Variants in STK3 observed in about 807,000 individuals in gnomAD.
STK3 encodes serine/threonine-protein kinase 3.
Under a neutral mutation model 58.0 loss-of-function variants are expected in STK3, and 41 were observed. The ratio of observed to expected loss-of-function variants is 0.71; its 90% confidence interval spans 0.55 to 0.92. The LOEUF is 0.92. Among genes scored for constraint, STK3 ranks in the 40% least tolerant of loss-of-function variants. The pLI is 0.00. For missense variants in STK3, 479 were observed against 602.7 expected (o/e 0.79, Z 2.15); for synonymous variants, 170 against 191.0 (o/e 0.89, Z 0.91).
chr8:98,468,037 T>C (rs6987125), intron 10 of STK3, among the ~76,000 whole-genome samples: 54 of 152,324 alleles, frequency 3.5e-4, no homozygotes, highest in African/African-American at 1.2e-3. Flanking sequence ...TAGATTGTAA[T>C]AGATAATTTT....
At chr8:98,715,768 C>T (rs1184844410) in intron 4 of STK3, among the ~76,000 whole-genome samples, 1 of 152,140 alleles carries the variant, frequency 6.6e-6, no homozygotes, top group Non-Finnish European at 1.5e-5. Context: ...TTGACCCAGC[C>T]ATCCCATTAC....
chr8:98,893,304 G>T (rs1838268251), intron 1 of STK3, among the ~76,000 whole-genome samples: 1 of 151,430 alleles, frequency 6.6e-6, no homozygotes, highest in African/African-American at 2.4e-5. Flanking sequence ...CAGAAGAAGT[G>T]CCTGAACCGA....
chr8:98,536,164 T>C (rs192363483), intron 9 of STK3, among the ~76,000 whole-genome samples: 49 of 152,306 alleles, frequency 3.2e-4, no homozygotes, highest in Non-Finnish European at 4.1e-4. Flanking sequence ...ACCAATGTTG[T>C]AGTGTCTCAA....
At position 98,745,598 on chromosome 8, in the gene STK3, C is replaced by T. The variant is rs1829586807; in HGVS notation, c.351+3678G>A. On this transcript the variant is annotated intron_variant, in intron 4 of 10. Coordinates refer to ENST00000419617, the MANE Select transcript of STK3 (RefSeq NM_006281.4). ...AAGAAAAAAGAAGAGGTAAGCCTAG[C>T]AATAAGGGCTGCTTTTCCCCAAGAG... Among the ~76,000 whole-genome samples the T allele has an allele frequency of 1.3e-5, 2 of 152,032 alleles. 1 individual carries two copies. Among genetic ancestry groups the T allele is most frequent in the South Asian group, 4.2e-4 (2 of 4,802 alleles).
At position 98,579,697 on chromosome 8, in the gene STK3, C is replaced by T. The variant is rs1226764013; in HGVS notation, c.915G>A (p.Gln305=). ...MEIKAKRHEE[Q]QRELEEEEEN... ...CTTCTTCCTCTTCCAATTCTCGTTG[C>T]TGTTCCTCATGTCTTTTAGCTTTGA... The change falls in exon 8 of 11, where the codon CAG becomes CAA. Residue 305 remains glutamine, a synonymous_variant. Transcript: ENST00000419617. The T allele has an allele frequency of 6.2e-7, 1 of 1,610,066 alleles. No homozygotes were observed. Among genetic ancestry groups the T allele is most frequent in the Admixed American group, 1.7e-5 (1 of 59,350 alleles).
At chr8:98,507,058 T>C (rs1824152294) in intron 10 of STK3, among the ~76,000 whole-genome samples, 1 of 152,244 alleles carries the variant, frequency 6.6e-6, no homozygotes, top group African/African-American at 2.4e-5. Context: ...TACTCATTTC[T>C]TTGTTACAGC....
intron 1 of STK3, among the ~76,000 whole-genome samples, chr8:98,885,497 T>C (rs1837951022): frequency 6.6e-6 from 1 of 152,234 alleles, no homozygotes; most frequent in South Asian, 2.1e-4. Context: ...TGGAGTGCAA[T>C]GGCGCGATCT....
intron 10 of STK3, among the ~76,000 whole-genome samples, chr8:98,512,127 C>A (rs1161763652): frequency 6.6e-6 from 1 of 151,972 alleles, no homozygotes; most frequent in African/African-American, 2.4e-5. Flanking sequence ...CCTCCTCCCC[C>A]CACCACACAA....
chr8:98,468,401 T>C (rs933029693), intron 10 of STK3, among the ~76,000 whole-genome samples: 1 of 152,150 alleles, frequency 6.6e-6, no homozygotes, highest in Non-Finnish European at 1.5e-5. Context: ...AAAACACCCA[T>C]GAAGAGATTC....
intron 6 of STK3, chr8:98,603,418 G>T (rs1429229826): frequency 6.6e-6 from 1 of 151,904 alleles, no homozygotes; most frequent in East Asian, 1.9e-4. Flanking sequence ...CACATTTTTA[G>T]TAGAGACAAG....
chr8:98,800,104 G>A lies in STK3; in HGVS notation c.27-25285C>T, dbSNP rs865812883. Among the ~76,000 whole-genome samples the A allele has an allele frequency of 1.3e-5, 2 of 152,148 alleles. No homozygotes were observed. Reference sequence around the variant, plus strand: ...ATGGCTTCTCCCCTTTCTAGGTCCCGTGGCAGCCATCTTGCCGCTACTCGC... The same window carrying A: ...ATGGCTTCTCCCCTTTCTAGGTCCCATGGCAGCCATCTTGCCGCTACTCGC... On this transcript the variant is annotated intron_variant, in intron 1 of 10. Transcript: ENST00000419617. This position sits in a 1 kb window ranked among gnomAD's most constrained non-coding sequence, Gnocchi z 4.8.
At chr8:98,757,866 TAA>T (rs1830392048) in intron 3 of STK3, among the ~76,000 whole-genome samples, 1 of 152,126 alleles carries the variant, frequency 6.6e-6, no homozygotes, top group African/African-American at 2.4e-5. Flanking sequence ...TATAAGGAAA[TAA>T]TACAATCAAA....
intron 1 of STK3, among the ~76,000 whole-genome samples, chr8:98,898,591 C>G (rs1226249771): frequency 6.6e-6 from 1 of 152,144 alleles, no homozygotes; most frequent in Non-Finnish European, 1.5e-5. Context: ...TACTGACAAT[C>G]AATATAAAGA....
intron 1 of STK3, chr8:98,439,129 T>C (rs1240036107): frequency 6.6e-6 from 1 of 152,246 alleles, no homozygotes; most frequent in African/African-American, 2.4e-5. Context: ...ATTTGTCATT[T>C]TTATTTATTG....
intron 1 of STK3, among the ~76,000 whole-genome samples, chr8:98,794,863 T>C (rs1833025228): frequency 6.6e-6 from 1 of 150,962 alleles, no homozygotes; most frequent in Non-Finnish European, 1.5e-5. Context: ...AGGTTGGGAG[T>C]TCGAGACCAG....
intron 1 of STK3, among the ~76,000 whole-genome samples, chr8:98,940,634 T>C (rs1840378933): frequency 6.6e-6 from 1 of 152,156 alleles, no homozygotes; most frequent in Non-Finnish European, 1.5e-5. Flanking sequence ...TGGGGCAGCC[T>C]GTCTGCACGC....
intron 6 of STK3, among the ~76,000 whole-genome samples, chr8:98,695,505 T>A (rs1040025537): frequency 1.2e-4 from 19 of 152,206 alleles, no homozygotes; most frequent in Admixed American, 1.3e-4. Flanking sequence ...CTTTAATCCA[T>A]CTTGAATTAA....
At chr8:98,628,170 T>C (rs1425317453) in intron 6 of STK3, among the ~76,000 whole-genome samples, 1 of 152,192 alleles carries the variant, frequency 6.6e-6, no homozygotes, top group Non-Finnish European at 1.5e-5. Flanking sequence ...GAATTAGAAT[T>C]TCTGGAAATT....
chr8:98,742,861 T>A (rs1829329926), intron 4 of STK3, among the ~76,000 whole-genome samples: 1 of 152,046 alleles, frequency 6.6e-6, no homozygotes, highest in African/African-American at 2.4e-5. Flanking sequence ...CTCCTTAAGC[T>A]GATAAGCAAC....
Sources: allele counts gnomAD v4.1 joint callset (sites outside exome capture counted in the v4.1 genomes callset), GRCh38; gene constraint gnomAD v4.1.1; non-coding constraint Gnocchi (gnomAD v3.1); transcripts MANE v1.5; gene names NCBI Gene and HGNC (gene_info 2026-07-23, HGNC 2026-07-21).